Variants in RASAL2 observed in about 807,000 individuals in gnomAD.
RASAL2 encodes ras GTPase-activating protein nGAP.
RASAL2 carries 58 observed loss-of-function variants against 128.9 expected under a neutral mutation model. That is an observed-to-expected ratio of 0.45 (90% confidence interval 0.36 to 0.56). RASAL2 has a LOEUF of 0.56. Ranked by LOEUF, RASAL2 falls within the 20% of genes least tolerant of loss-of-function variation. RASAL2 has a pLI of 0.00. For synonymous variants in RASAL2, 561 were observed against 580.8 expected (o/e 0.97, Z 0.49); for missense variants, 1,360 against 1,601.6 (o/e 0.85, Z 2.57).
intron 2 of RASAL2, among the ~76,000 whole-genome samples, chr1:178,285,717 T>C (rs2102222533): frequency 6.6e-6 from 1 of 152,370 alleles, no homozygotes; most frequent in South Asian, 2.1e-4. Flanking sequence ...ATCTTCATTT[T>C]AACCAAATGT....
intron 14 of RASAL2, among the ~76,000 whole-genome samples, chr1:178,460,608 AT>A (rs570200441): frequency 1.0e-3 from 153 of 152,236 alleles, no homozygotes; most frequent in Non-Finnish European, 1.5e-3. Context: ...CACCAAATAT[AT>A]TTTTTGGCAT....
In RASAL2 at chr1:178,456,791, C is replaced by T. The variant is rs779146098; in HGVS notation, c.2282C>T (p.Thr761Met). The T allele has an allele frequency of 7.6e-5, 123 of 1,614,034 alleles. No homozygotes were observed. Among genetic ancestry groups the T allele is most frequent in the Middle Eastern group, 3.3e-4 (2 of 6,084 alleles). ...ATTACCAAGTCATTGACTAATCCTA[C>T]GCCAATACAACAGCAACTGAGACGC... ...ADITKSLTNP[T>M]PIQQQLRRFT... Residue 761 changes from threonine (T) to methionine (M), a missense_variant, in exon 13 of 18, where the codon ACG becomes ATG. Physicochemically the swap from Thr to Met is moderately conservative, Grantham distance 81. This residue lies in a region of RASAL2 where 741 missense variants were observed against 868.6 expected (regional missense o/e 0.85). Coordinates refer to ENST00000367649, the MANE Select transcript of RASAL2 (RefSeq NM_170692.4).
intron 1 of RASAL2, among the ~76,000 whole-genome samples, chr1:178,129,635 G>T (rs1176189273): frequency 1.3e-5 from 2 of 151,526 alleles, no homozygotes; most frequent in Non-Finnish European, 1.5e-5. Context: ...GATGGTTTTA[G>T]TATCATATCT....
At chr1:178,340,967 G>T (rs985903674) in intron 3 of RASAL2, among the ~76,000 whole-genome samples, 1 of 152,100 alleles carries the variant, frequency 6.6e-6, no homozygotes, top group African/African-American at 2.4e-5. Context: ...TAAAAACTTT[G>T]TTCCTTTTCT....
chr1:178,340,343 G>T (rs1669804031), intron 3 of RASAL2, among the ~76,000 whole-genome samples: 1 of 151,864 alleles, frequency 6.6e-6, no homozygotes, highest in Non-Finnish European at 1.5e-5. Context: ...TTTTTTCATT[G>T]ATCAATTCTG....
intron 1 of RASAL2, among the ~76,000 whole-genome samples, chr1:178,110,802 G>A (rs981672326): frequency 1.3e-5 from 2 of 151,684 alleles, no homozygotes; most frequent in African/African-American, 4.8e-5. Flanking sequence ...TTCCCAGGCT[G>A]ATCTCGAACT....
intron 5 of RASAL2, among the ~76,000 whole-genome samples, chr1:178,431,223 A>AT (rs1675875798): frequency 6.6e-6 from 1 of 152,144 alleles, no homozygotes; most frequent in Non-Finnish European, 1.5e-5. Context: ...TTTACTTAAT[A>AT]TACAAAGAGT....
At chr1:178,304,293 G>A (rs888813855) in intron 3 of RASAL2, among the ~76,000 whole-genome samples, 3 of 152,180 alleles carry the variant, frequency 2.0e-5, no homozygotes, top group Non-Finnish European at 4.4e-5. Flanking sequence ...GGAGGCTGAA[G>A]CTGGAGGGTC....
At chr1:178,226,152 A>G (rs1036868244) in intron 1 of RASAL2, among the ~76,000 whole-genome samples, 1 of 152,180 alleles carries the variant, frequency 6.6e-6, no homozygotes, top group Non-Finnish European at 1.5e-5. Flanking sequence ...GAGCTTAGAA[A>G]TGTGGAATCT....
intron 1 of RASAL2, among the ~76,000 whole-genome samples, chr1:178,113,849 A>AT (rs946066067): frequency 7.2e-5 from 11 of 151,924 alleles, no homozygotes; most frequent in African/African-American, 2.7e-4. Flanking sequence ...TTTGTCTTTG[A>AT]TTTTTTACTA....
rs569627778 is a variant in RASAL2, at chr1:178,272,814, G to C, written c.203-10750G>C. Reference sequence around the variant, plus strand: ...GTGCTGGCACATGCCTGTAGTCCCAGCTACTCGGGAGGCTGAGGCAGGAGA... The same window carrying C: ...GTGCTGGCACATGCCTGTAGTCCCACCTACTCGGGAGGCTGAGGCAGGAGA... On this transcript the variant is annotated intron_variant, in intron 1 of 17. Coordinates refer to ENST00000367649, the MANE Select transcript of RASAL2 (RefSeq NM_170692.4). 3.9e-5 allele frequency among the ~76,000 whole-genome samples: 6 copies of C among 152,168 alleles called. No homozygotes were observed. The South Asian group carries it at 1.2e-3, about 32-fold the overall frequency.
intron 5 of RASAL2, among the ~76,000 whole-genome samples, chr1:178,437,594 T>C (rs1314067086): frequency 1.3e-5 from 2 of 152,134 alleles, no homozygotes; most frequent in Admixed American, 6.6e-5. Context: ...TAATCTTTCC[T>C]GTTGAGAAGC....
chr1:178,395,954 G>A (rs1673198183), intron 4 of RASAL2, among the ~76,000 whole-genome samples: 1 of 151,476 alleles, frequency 6.6e-6, no homozygotes, highest in African/African-American at 2.4e-5. Context: ...TAATCAGAAA[G>A]GGCATAATTT....
intron 1 of RASAL2, among the ~76,000 whole-genome samples, chr1:178,180,312 C>G (rs914839744): frequency 6.6e-6 from 1 of 151,720 alleles, no homozygotes; most frequent in African/African-American, 2.4e-5. Flanking sequence ...GAAATCTTTC[C>G]CTTTACCATT....
intron 5 of RASAL2, among the ~76,000 whole-genome samples, chr1:178,433,593 A>G (rs1676066254): frequency 6.6e-6 from 1 of 152,054 alleles, no homozygotes; most frequent in African/African-American, 2.4e-5. Context: ...GGGAAAGCAA[A>G]TCAGTTATGA....
rs183111883 is a variant in RASAL2, at chr1:178,457,715, A to G, written c.2423A>G (p.Asp808Gly). Residue 808 changes from aspartate (D) to glycine (G), a missense_variant, in exon 14 of 18, where the codon GAC becomes GGC. By Grantham distance (94) the Asp-to-Gly change is moderately conservative. Around this residue, in one of 3 missense-constraint regions of RASAL2, gnomAD observed 741 missense variants for 868.6 expected, o/e 0.85. Transcript: ENST00000367649. ...CATAAACTAAAATCTCCAAGCCAGG[A>G]CAACACAGACAGCTACTTCAGAGGG... ...DLHKLKSPSQ[D>G]NTDSYFRGKT... 1.6e-4 allele frequency: 254 copies of G among 1,614,138 alleles called. 2 individuals carry two copies. The East Asian group carries it at 5.4e-3, about 34-fold the overall frequency.
rs191889752 is a variant in RASAL2, at chr1:178,136,328, C to T, written c.202+41634C>T. On this transcript the variant is annotated intron_variant, in intron 1 of 17. Transcript: ENST00000367649. Reference sequence around the variant, plus strand: ...TGAGTCTTTGCTTTACCTGTGGGACCGTGGACCAGCTGCTTAATCTTCATA... The same window carrying T: ...TGAGTCTTTGCTTTACCTGTGGGACTGTGGACCAGCTGCTTAATCTTCATA... Among the ~76,000 whole-genome samples the T allele has an allele frequency of 1.8e-4, 28 of 152,232 alleles. 1 individual carries two copies. The East Asian group carries it at 5.4e-3, about 29-fold the overall frequency.
Position 178,458,562 on chromosome 1 carries a change from AG to A in RASAL2, c.3252+22del. 6.3e-7 allele frequency: 1 copy of A among 1,582,224 alleles called. No homozygotes were observed. Reference sequence around the variant, plus strand: ...CACAGCAGGTAGGTGTGAGTGCTGAAGGGGCCTGGCTTCTACTTGGTCCATC... The same window carrying A: ...CACAGCAGGTAGGTGTGAGTGCTGAAGGGCCTGGCTTCTACTTGGTCCATC... On this transcript the variant is annotated intron_variant, in intron 14 of 17. Transcript: ENST00000367649.
chr1:178,175,090 A>T (rs544889805), intron 1 of RASAL2, among the ~76,000 whole-genome samples: 2 of 152,138 alleles, frequency 1.3e-5, no homozygotes, highest in African/African-American at 4.8e-5. Context: ...GGAATTAACT[A>T]CTTAACAAAA....
Sources: allele counts gnomAD v4.1 joint callset (sites outside exome capture counted in the v4.1 genomes callset), GRCh38; gene constraint gnomAD v4.1.1; regional missense constraint gnomAD v4.1.1; transcripts MANE v1.5; gene names NCBI Gene and HGNC (gene_info 2026-07-23, HGNC 2026-07-21).